TARBP1: variants seen among roughly 807,000 people sequenced by gnomAD.
TARBP1 encodes the protein tRNA (guanosine(18)-2'-O)-methyltransferase TARBP1.
In TARBP1, 144 loss-of-function variants were observed where a neutral mutation model predicts 178.6. The observed-to-expected ratio is 0.81, with a 90% CI of 0.70 to 0.93. The LOEUF (loss-of-function observed/expected upper bound fraction) is 0.93, where lower values mean the gene tolerates loss of function less well. Ranked by LOEUF, TARBP1 falls within the 40% of genes least tolerant of loss-of-function variation. The probability of loss-of-function intolerance (pLI) is 0.00; values close to 1 mark genes in which losing one functional copy is unlikely to be tolerated. For synonymous variants in TARBP1, 787 were observed against 781.0 expected (o/e 1.01, Z -0.13); for missense variants, 2,067 against 2,011.7 (o/e 1.03, Z -0.53).
intron 26 of TARBP1, among the ~76,000 whole-genome samples, chr1:234,396,589 C>G (rs1010833760): frequency 6.6e-6 from 1 of 152,006 alleles, no homozygotes; most frequent in Admixed American, 6.6e-5. Flanking sequence ...GGTCTCATGT[C>G]TAACACGCAG....
chr1:234,430,315 G>A lies in TARBP1; in HGVS notation c.2395-14C>T, dbSNP rs766937709. 6.2e-7 allele frequency: 1 copy of A among 1,609,850 alleles called. No homozygotes were observed. Among genetic ancestry groups the A allele is most frequent in the Non-Finnish European group, 8.5e-7 (1 of 1,178,156 alleles). ...AACTGTTGGCTCCTGAAAAGGAAAT[G>A]TGACAATGTTTTATTTAATATGCAC... On this transcript the variant is annotated splice_polypyrimidine_tract_variant and intron_variant, in intron 14 of 29. Coordinates refer to ENST00000040877, the MANE Select transcript of TARBP1 (RefSeq NM_005646.4).
chr1:234,478,554 C>T lies in TARBP1; in HGVS notation c.550G>A (p.Ala184Thr), dbSNP rs1474454234. 1.5e-5 allele frequency: 20 copies of T among 1,306,154 alleles called. No homozygotes were observed. In the Admixed American group the frequency reaches 6.3e-4, roughly 41 times the overall value. 80.9% of individuals were successfully genotyped at this position (1,306,154 alleles called of 1,614,324 possible). The change falls in exon 1 of 30, where the codon GCC becomes ACC. Residue 184 changes from alanine (A) to threonine (T), a missense_variant. By Grantham distance (58) the Ala-to-Thr change is moderately conservative. Coordinates refer to ENST00000040877, the MANE Select transcript of TARBP1 (RefSeq NM_005646.4). ...GCCACCAGCGCCGCCGCGTCCTCGG[C>T]AGGCCCGGCCTCATCCCCGTCCCCG... ...GGGDGDEAGP[A>T]EDAAALVAGR...
rs771015454 is a variant in TARBP1, at chr1:234,478,524, GC to G, written c.579del (p.Arg194AspfsTer33). The G allele has an allele frequency of 7.3e-7, 1 of 1,375,464 alleles. No individual in the cohort carries two copies. The highest frequency in any genetic ancestry group is 1.5e-5 in the South Asian group (1 of 67,102). 85.2% of individuals were successfully genotyped at this position (1,375,464 alleles called of 1,614,324 possible). The part of the protein sequence containing the change: ...PAEDAAALVA[G>X]RLLPVLVQCG... ...CATTGGACCAGCACTGGCAGCAGTC[GC>G]CCGGCCACCAGCGCCGCCGCGTCCT... On this transcript the variant is annotated frameshift_variant, in exon 1 of 30. Coordinates refer to ENST00000040877, the MANE Select transcript of TARBP1 (RefSeq NM_005646.4). LOFTEE classifies it high-confidence loss of function.
chr1:234,406,813 AC>A (rs1661292001), intron 23 of TARBP1: 1 of 152,204 alleles, frequency 6.6e-6, no homozygotes, highest in African/African-American at 2.4e-5. Context: ...AACCAGACGG[AC>A]CCAAACTTTT....
rs1661194747 is a variant in TARBP1 at position 234,405,953 on chromosome 1, A to T, written c.3939T>A (p.Thr1313=). The change falls in exon 24 of 30, where the codon ACT becomes ACA. Residue 1313 remains threonine, a synonymous_variant. Transcript: ENST00000040877. ...VLSVEEFDAL[T]PVIESSLHQV... Reference sequence around the variant, plus strand: ...GATGGAGGCTGGATTCAATCACAGGAGTCAGGGCATCAAATTCTTCAACAC... The same window carrying T: ...GATGGAGGCTGGATTCAATCACAGGTGTCAGGGCATCAAATTCTTCAACAC... 2 of 1,614,106 alleles carry T rather than the reference A, an allele frequency of 1.2e-6. No homozygotes were observed. Among genetic ancestry groups the T allele is most frequent in the African/African-American group, 1.3e-5 (1 of 74,936 alleles).
chr1:234,430,269 T>C lies in TARBP1; in HGVS notation c.2427A>G (p.Val809=), dbSNP rs1181111862. The C allele has an allele frequency of 6.2e-7, 1 of 1,613,986 alleles. No individual in the cohort carries two copies. Among genetic ancestry groups the C allele is most frequent in the African/African-American group, 1.3e-5 (1 of 74,944 alleles). The change falls in exon 15 of 30, where the codon GTA becomes GTG. Residue 809 remains valine, a synonymous_variant. Transcript: ENST00000040877. The stretch of plus-strand genomic sequence containing the variant: ...CCATGGCCAAGGCAGCCATGCTCAC[T>C]ACTCTCTGAATCTGACTTCCAACTG... ...EPTVGSQIQR[V]VSMAALAMVC... is the part of the protein sequence containing the mutation.
rs569956588 is a variant in TARBP1 at position 234,429,770 on chromosome 1, G to A, written c.2610-93C>T. ...ACACTATCCTTTCTAAAGGTGGGGGGGGGGGGGCAGTGTACAGATATAAAT... is the reference window on the plus strand; with the variant it reads ...ACACTATCCTTTCTAAAGGTGGGGGAGGGGGGGCAGTGTACAGATATAAAT... On this transcript the variant is annotated intron_variant, in intron 15 of 29. Coordinates refer to ENST00000040877, the MANE Select transcript of TARBP1 (RefSeq NM_005646.4). The A allele has an allele frequency of 1.1e-5, 14 of 1,311,376 alleles. No individual in the cohort carries two copies. In the South Asian group the frequency reaches 1.1e-4, roughly 11 times the overall value. 81.2% of individuals were successfully genotyped at this position (1,311,376 alleles called of 1,614,324 possible).
chr1:234,406,332 C>G, intron 23 of TARBP1: 1 of 525,962 alleles, frequency 1.9e-6, no homozygotes, highest in East Asian at 3.0e-5. Context: ...ATTAATGCTG[C>G]AGTACATTTC....
chr1:234,402,384 A>G (rs1305102209), intron 24 of TARBP1, among the ~76,000 whole-genome samples: 2 of 151,986 alleles, frequency 1.3e-5, no homozygotes, highest in African/African-American at 4.8e-5. Context: ...TTTCTAATAT[A>G]CTATTTTTTG....
chr1:234,473,439 T>A (rs75758199), intron 1 of TARBP1, among the ~76,000 whole-genome samples: 1 of 152,166 alleles, frequency 6.6e-6, no homozygotes, highest in Admixed American at 6.5e-5. Context: ...CGTCTCTGAA[T>A]TGGGAGGCAC....
chr1:234,462,047 A>G (rs1334191576), intron 6 of TARBP1, among the ~76,000 whole-genome samples: 1 of 152,238 alleles, frequency 6.6e-6, no homozygotes, highest in Non-Finnish European at 1.5e-5. Flanking sequence ...ACTGTGAATG[A>G]ATGTTTTAAT....
intron 20 of TARBP1, among the ~76,000 whole-genome samples, chr1:234,423,784 C>CT (rs1663388465): frequency 6.8e-6 from 1 of 147,940 alleles, no homozygotes. Context: ...CGTAGTCTCA[C>CT]TCACTGTGTT....
At chr1:234,392,709 ATTTCT>A in intron 28 of TARBP1, 157 bp from the exon 29 acceptor site, 1 of 532,136 alleles carries the variant, frequency 1.9e-6, no homozygotes, top group Non-Finnish European at 3.0e-6. Context: ...CATGACATCA[ATTTCT>A]TTTTTTTTTT....
chr1:234,475,689 G>A (rs1669505912), intron 1 of TARBP1, among the ~76,000 whole-genome samples: 1 of 152,236 alleles, frequency 6.6e-6, no homozygotes, highest in Non-Finnish European at 1.5e-5. Flanking sequence ...ATACAAGGCT[G>A]CAGTGGAAGA....
intron 25 of TARBP1, among the ~76,000 whole-genome samples, chr1:234,398,793 C>A (rs1213658211): frequency 6.9e-6 from 1 of 145,962 alleles, no homozygotes; most frequent in Admixed American, 6.7e-5. Context: ...TCTGGTACTT[C>A]TAACTGTGTG....
chr1:234,421,021 T>TA (rs879463697), intron 20 of TARBP1, among the ~76,000 whole-genome samples: 5 of 152,080 alleles, frequency 3.3e-5, no homozygotes, highest in Non-Finnish European at 5.9e-5. Flanking sequence ...TTAAGAAAAA[T>TA]AAAAAAATTT....
At chr1:234,466,864 GA>G (rs1242940257) in intron 4 of TARBP1, among the ~76,000 whole-genome samples, 3 of 147,292 alleles carry the variant, frequency 2.0e-5, no homozygotes, top group Non-Finnish European at 4.5e-5. Flanking sequence ...ACACCATCTC[GA>G]AAAAAAAACA....
intron 15 of TARBP1, 150 bp downstream of exon 15, chr1:234,429,937 G>T: frequency 1.1e-6 from 1 of 893,806 alleles, no homozygotes; most frequent in Non-Finnish European, 1.7e-6. Context: ...CAAGTCTCCA[G>T]TAACAGAGAT....
intron 29 of TARBP1, 109 bp downstream of exon 29, chr1:234,392,307 G>T (rs1334110092): frequency 7.9e-6 from 11 of 1,399,092 alleles, no homozygotes; most frequent in Non-Finnish European, 1.1e-5. Context: ...CTACACTCCA[G>T]CCTGGGCTAC....
Sources: gnomAD v4.1 joint callset for allele counts (sites outside exome capture counted in the v4.1 genomes callset) on GRCh38, gnomAD v4.1.1 for gene constraint, MANE v1.5 for transcripts, NCBI Gene and HGNC (gene_info 2026-07-23, HGNC 2026-07-21) for gene names.